CC2D2A: variants seen among roughly 807,000 people sequenced by gnomAD.
The protein encoded by CC2D2A is coiled-coil and C2 domain containing 2A, also known as coiled-coil and C2 domain-containing protein 2A.
Under a neutral mutation model 212.9 loss-of-function variants are expected in CC2D2A, and 155 were observed. The observed-to-expected ratio is 0.73, with a 90% CI of 0.64 to 0.83. The LOEUF (loss-of-function observed/expected upper bound fraction) is 0.83. CC2D2A is among the 40% of genes least tolerant of loss of function. CC2D2A has a pLI of 0.00. For synonymous variants in CC2D2A, 667 were observed against 686.5 expected (o/e 0.97, Z 0.44); for missense variants, 1,856 against 1,956.2 (o/e 0.95, Z 0.97).
At chr4:15,529,812 G>T (rs971498760) in intron 13 of CC2D2A, among the ~76,000 whole-genome samples, 1 of 146,518 alleles carries the variant, frequency 6.8e-6, no homozygotes, top group Non-Finnish European at 1.5e-5. Context: ...ATAATAAATC[G>T]AGGCTTTTTT....
At chr4:15,535,507 T>C (rs1718080852) in intron 14 of CC2D2A, among the ~76,000 whole-genome samples, 1 of 152,144 alleles carries the variant, frequency 6.6e-6, no homozygotes, top group Non-Finnish European at 1.5e-5. Context: ...AGCCACCTTA[T>C]AATAAAGCAT....
intron 26 of CC2D2A, among the ~76,000 whole-genome samples, chr4:15,568,207 AT>A (rs1719986581): frequency 6.6e-6 from 1 of 152,212 alleles, no homozygotes; most frequent in African/African-American, 2.4e-5. Context: ...TGGTCAAAGG[AT>A]TTTAGATATT....
intron 22 of CC2D2A, among the ~76,000 whole-genome samples, chr4:15,559,477 A>G (rs572664260): frequency 2.2e-4 from 34 of 152,162 alleles, no homozygotes; most frequent in Non-Finnish European, 3.1e-4. Flanking sequence ...ATCAGCAGTT[A>G]CCTTTTAATG....
At chr4:15,505,287 G>A (rs1411231743) in intron 6 of CC2D2A, among the ~76,000 whole-genome samples, 5 of 152,124 alleles carry the variant, frequency 3.3e-5, no homozygotes, top group Admixed American at 2.6e-4. Context: ...TTTGTGATAG[G>A]TGAACAAATG....
chr4:15,523,421 T>C (rs1237512022), intron 11 of CC2D2A, among the ~76,000 whole-genome samples: 1 of 152,144 alleles, frequency 6.6e-6, no homozygotes, highest in Non-Finnish European at 1.5e-5. Flanking sequence ...ACTGGAGGAC[T>C]GTGTCATGAT....
chr4:15,598,785 A>G (rs1721441118), intron 35 of CC2D2A, among the ~76,000 whole-genome samples: 1 of 152,234 alleles, frequency 6.6e-6, no homozygotes, highest in Non-Finnish European at 1.5e-5. Context: ...GGCTTTCAAC[A>G]TAAGCCCTAC....
At chr4:15,492,843 A>G in intron 4 of CC2D2A, 2 of 608,770 alleles carry the variant, frequency 3.3e-6, no homozygotes, top group South Asian at 1.4e-5. Flanking sequence ...CAGCCCCAGC[A>G]TCGAAGGTGG....
chr4:15,541,300 CAG>C (rs1484604209), intron 17 of CC2D2A, among the ~76,000 whole-genome samples: 2 of 151,928 alleles, frequency 1.3e-5, no homozygotes, highest in Non-Finnish European at 2.9e-5. Context: ...GCCTAGGCGA[CAG>C]AGTGTGACTC....
intron 4 of CC2D2A, among the ~76,000 whole-genome samples, chr4:15,487,346 C>T (rs1417696827): frequency 6.6e-6 from 1 of 152,008 alleles, no homozygotes; most frequent in African/African-American, 2.4e-5. Flanking sequence ...TATGTATTTA[C>T]AAGTATTATA....
intron 4 of CC2D2A, among the ~76,000 whole-genome samples, chr4:15,490,555 G>A (rs546747279): frequency 2.6e-5 from 4 of 152,206 alleles, no homozygotes; most frequent in South Asian, 2.1e-4. Context: ...ACCTGTTGAC[G>A]GACATGTGGA....
At chr4:15,472,069 C>T (rs1713866677) in intron 1 of CC2D2A, among the ~76,000 whole-genome samples, 1 of 152,066 alleles carries the variant, frequency 6.6e-6, no homozygotes, top group Non-Finnish European at 1.5e-5. Flanking sequence ...CTGGAAAGCA[C>T]AGAATAATTA....
At chr4:15,488,844 C>G (rs141372646) in intron 4 of CC2D2A, among the ~76,000 whole-genome samples, 112 of 152,360 alleles carry the variant, frequency 7.4e-4, no homozygotes, top group Non-Finnish European at 1.1e-3. Flanking sequence ...CCCTAATGAA[C>G]CGCACCAGAA....
At chr4:15,502,339 G>A (rs1021568541) in intron 4 of CC2D2A, 90 bp from the exon 5 acceptor site, 2 of 980,508 alleles carry the variant, frequency 2.0e-6, no homozygotes, top group Non-Finnish European at 3.0e-6. Flanking sequence ...CTTCCCTTTT[G>A]GGGGGAGGGA....
chr4:15,586,104 A>G (rs902030273), intron 30 of CC2D2A, 53 bp from the exon 31 acceptor site: 1 of 1,241,274 alleles, frequency 8.1e-7, no homozygotes, highest in Non-Finnish European at 1.2e-6. Context: ...TAGGGGATGC[A>G]GCATTCTGTT....
At position 15,538,104 on chromosome 4, in the gene CC2D2A, C is replaced by T; in HGVS notation, c.1970C>T (p.Ala657Val). The change falls in exon 16 of 37, where the codon GCA (alanine) becomes GTA (valine). Residue 657 changes from alanine to valine, a missense_variant. Physicochemically the swap from Ala to Val is moderately conservative, Grantham distance 64. Coordinates refer to ENST00000424120, the MANE Select transcript of CC2D2A (RefSeq NM_001378615.1). The part of the protein sequence containing the change: ...EPTLVPELSL[A>V]GSVTPNDQCP... Reference sequence around the variant, plus strand: ...ACGCTGGTCCCGGAGCTAAGCCTGGCAGGAAGCGTAACACCCAATGACCAG... The same window carrying T: ...ACGCTGGTCCCGGAGCTAAGCCTGGTAGGAAGCGTAACACCCAATGACCAG... The T allele has an allele frequency of 6.3e-7, 1 of 1,599,656 alleles. No homozygotes were observed. Among genetic ancestry groups the T allele is most frequent in the South Asian group, 1.1e-5 (1 of 88,418 alleles).
intron 4 of CC2D2A, among the ~76,000 whole-genome samples, chr4:15,500,727 C>G (rs1389084962): frequency 1.3e-5 from 2 of 152,174 alleles, no homozygotes; most frequent in African/African-American, 4.8e-5. Flanking sequence ...AAAGCAGGCT[C>G]AGGAGGAACC....
intron 29 of CC2D2A, chr4:15,576,356 T>TA: frequency 5.1e-6 from 5 of 984,208 alleles, no homozygotes; most frequent in Non-Finnish European, 6.0e-6. Context: ...TTTTTCCACT[T>TA]ACAGCAATAC....
chr4:15,516,823 G>C lies in CC2D2A; in HGVS notation c.1149+67G>C, dbSNP rs973481660. ...AAGTGCTTTGCTTTCTGAATAGCTTGGGGTGCTATATTTATAACATTCTAC... is the reference window on the plus strand; with the variant it reads ...AAGTGCTTTGCTTTCTGAATAGCTTCGGGTGCTATATTTATAACATTCTAC... On this transcript the variant is annotated intron_variant, in intron 11 of 36. Transcript: ENST00000424120. 3 of 1,496,350 alleles carry C rather than the reference G, an allele frequency of 2.0e-6. No homozygotes were observed. In the African/African-American group the frequency reaches 4.2e-5, roughly 21 times the overall value. 92.7% of individuals were successfully genotyped at this position (1,496,350 alleles called of 1,614,324 possible).
Position 15,563,060 on chromosome 4 carries a change from T to C in CC2D2A, c.3015-295T>C, listed in dbSNP as rs75380803. The stretch of plus-strand genomic sequence containing the variant: ...AGCAAATGTGAAGGATGGGAGACCA[T>C]AGGCATGTTTGAGGAACTGGTGGGT... On this transcript the variant is annotated intron_variant, in intron 23 of 36. Transcript: ENST00000424120. Among the ~76,000 whole-genome samples the C allele has an allele frequency of 0.012, 1,879 of 152,248 alleles. 18 individuals carry two copies. Among genetic ancestry groups the C allele is most frequent in the Non-Finnish European group, 0.019 (1,319 of 68,006 alleles).
Sources: gnomAD v4.1 joint callset for allele counts (sites outside exome capture counted in the v4.1 genomes callset) on GRCh38, gnomAD v4.1.1 for gene constraint, MANE v1.5 for transcripts, NCBI Gene and HGNC (gene_info 2026-07-23, HGNC 2026-07-21) for gene names.